The following CCDC57 variants were observed in gnomAD, a reference collection of about 807,000 sequenced individuals.
The protein encoded by CCDC57 is coiled-coil domain containing 57.
Under a neutral mutation model 118.9 loss-of-function variants are expected in CCDC57, and 118 were observed. The ratio of observed to expected loss-of-function variants is 0.99; its 90% CI spans 0.86 to 1.16. CCDC57 has a LOEUF of 1.16. Among genes scored for constraint, CCDC57 ranks in the 50% most tolerant of loss-of-function variants. The pLI is 0.00. For missense variants in CCDC57, 1,300 were observed against 1,320.7 expected, an observed-to-expected ratio of 0.98 and a Z score of 0.24; for synonymous variants, 527 against 532.9, an observed-to-expected ratio of 0.99 and a Z score of 0.15.
intron 11 of CCDC57, among the ~76,000 whole-genome samples, chr17:82,173,414 CT>C: frequency 6.6e-6 from 1 of 152,210 alleles, no homozygotes; most frequent in South Asian, 2.1e-4. Flanking sequence ...CAAACTGAAG[CT>C]CAGAAGGAAA....
intron 3 of CCDC57, among the ~76,000 whole-genome samples, 200 bp from the exon 3 acceptor site, chr17:82,198,622 T>C (rs551876930): frequency 4.0e-5 from 6 of 151,506 alleles, no homozygotes; most frequent in East Asian, 3.9e-4. Context: ...GGAAATTAAA[T>C]AGGGCCCAGA....
chr17:82,196,932 G>A (rs557382709), intron 4 of CCDC57, among the ~76,000 whole-genome samples: 52 of 143,696 alleles, frequency 3.6e-4, no homozygotes, highest in African/African-American at 1.3e-3. Flanking sequence ...CACCTGCAGA[G>A]ACGCAGCCCC....
chr17:82,201,898 C>T (rs772654790), exon 3 of CCDC57: 14 of 1,607,862 alleles, frequency 8.7e-6, no homozygotes, highest in Middle Eastern at 3.3e-4. Context: ...CTCCTCCTTG[C>T]GAAGCAGCAG....
chr17:82,210,564 C>A (rs1001430813), intron 1 of CCDC57, among the ~76,000 whole-genome samples: 2 of 151,180 alleles, frequency 1.3e-5, no homozygotes, highest in Non-Finnish European at 2.9e-5. Flanking sequence ...CTGGTAATCC[C>A]AGCTGCTCAG....
chr17:82,143,875 G>C (rs1157773159), intron 16 of CCDC57, among the ~76,000 whole-genome samples: 3 of 150,924 alleles, frequency 2.0e-5, no homozygotes, highest in East Asian at 1.9e-4. Context: ...AAGGCGGGTG[G>C]ATTGCTTGAG....
chr17:82,128,644 G>T, intron 17 of CCDC57, 47 bp from the exon 17 acceptor site: 1 of 1,370,936 alleles, frequency 7.3e-7, no homozygotes, highest in Non-Finnish European at 1.0e-6. Flanking sequence ...CACATGTACT[G>T]ATGGTGCATG....
chr17:82,180,708 C>A (rs2046099823), intron 9 of CCDC57, among the ~76,000 whole-genome samples: 1 of 152,236 alleles, frequency 6.6e-6, no homozygotes, highest in South Asian at 2.1e-4. Flanking sequence ...ATCTCCTGAC[C>A]TCGTGATCCG....
In CCDC57 at chr17:82,130,218, C is replaced by T. The variant is rs9889637; in HGVS notation, c.2578-1621G>A. 3.2e-4 allele frequency among the ~76,000 whole-genome samples: 48 copies of T among 151,664 alleles called. No homozygotes were observed. The South Asian group carries it at 9.2e-3, about 29-fold the overall frequency. Reference sequence around the variant, plus strand: ...TCTCAAAACATTTTTTTTTGAGACACAGTCTTGCTCTGTTGCCCAGGCTGG... The same window carrying T: ...TCTCAAAACATTTTTTTTTGAGACATAGTCTTGCTCTGTTGCCCAGGCTGG... On this transcript the variant is annotated intron_variant, in intron 17 of 19. Coordinates refer to ENST00000665763, the Ensembl canonical transcript of CCDC57.
chr17:82,127,489 C>G (rs2037645407), intron 19 of CCDC57: 1 of 985,322 alleles, frequency 1.0e-6, no homozygotes, highest in Non-Finnish European at 1.2e-6. Context: ...TGGTTTCTGC[C>G]CTTCAGGGCT....
exon 13 of CCDC57, chr17:82,171,789 C>T (rs760184332): frequency 7.4e-6 from 12 of 1,613,992 alleles, no homozygotes; most frequent in Non-Finnish European, 9.3e-6. Flanking sequence ...CTTCTAGATG[C>T]TTTTCCAGAG....
At chr17:82,104,898 G>C (rs954120663) in intron 19 of CCDC57, 2 of 152,304 alleles carry the variant, frequency 1.3e-5, no homozygotes, top group African/African-American at 4.8e-5. Context: ...TGCAGGGAAG[G>C]TGCGGCCCTC....
rs192761581 is a variant in CCDC57, at chr17:82,183,181, G to C, written c.1211+593C>G. 5.9e-5 allele frequency among the ~76,000 whole-genome samples: 9 copies of C among 152,280 alleles called. 1 individual carries two copies. The highest frequency in any genetic ancestry group is 2.1e-4 in the South Asian group (1 of 4,832). On this transcript the variant is annotated intron_variant, in intron 9 of 19. Transcript: ENST00000665763. The stretch of plus-strand genomic sequence containing the variant: ...ATACACATTCATCAAAATTCATCAA[G>C]TGTAGAGTTAAAATGGATGAGTTTA...
chr17:82,165,392 G>A (rs1165736755), intron 13 of CCDC57, among the ~76,000 whole-genome samples: 2 of 152,034 alleles, frequency 1.3e-5, no homozygotes, highest in Admixed American at 1.3e-4. Context: ...AGTGTCTAGG[G>A]GCCTCGGATC....
At chr17:82,189,324 C>T (rs2047367549) in intron 7 of CCDC57, among the ~76,000 whole-genome samples, 1 of 146,404 alleles carries the variant, frequency 6.8e-6, no homozygotes, top group Non-Finnish European at 1.5e-5. Flanking sequence ...AAAAGATTTA[C>T]GTGTTGATTT....
intron 13 of CCDC57, among the ~76,000 whole-genome samples, chr17:82,163,589 A>T (rs1162258697): frequency 6.6e-6 from 1 of 152,214 alleles, no homozygotes; most frequent in Non-Finnish European, 1.5e-5. Context: ...TCCTTGTAGG[A>T]AAAAGTCTGA....
rs182686837 is a variant in CCDC57 at position 82,177,177 on chromosome 17, G to A, written c.1506+1297C>T. 2.0e-3 allele frequency among the ~76,000 whole-genome samples: 305 copies of A among 152,134 alleles called. 1 individual carries two copies. The highest frequency in any genetic ancestry group is 7.1e-3 in the African/African-American group (294 of 41,502). ...GGCGAATCACCTGGGTCAGGAGTTCGAGATCAGCCTAACATGCAGAAACCC... is the reference window on the plus strand; with the variant it reads ...GGCGAATCACCTGGGTCAGGAGTTCAAGATCAGCCTAACATGCAGAAACCC... On this transcript the variant is annotated intron_variant, in intron 11 of 19. Transcript: ENST00000665763.
chr17:82,117,158 T>C (rs2036024614), intron 19 of CCDC57, among the ~76,000 whole-genome samples: 1 of 151,984 alleles, frequency 6.6e-6, no homozygotes, highest in South Asian at 2.1e-4. Context: ...GAGACCAGCC[T>C]GGGCTAACAT....
At chr17:82,152,653 C>T (rs2042199149) in intron 15 of CCDC57, among the ~76,000 whole-genome samples, 1 of 152,244 alleles carries the variant, frequency 6.6e-6, no homozygotes, top group African/African-American at 2.4e-5. Context: ...GAGCCGACGA[C>T]CTACTTCTCC....
intron 9 of CCDC57, among the ~76,000 whole-genome samples, chr17:82,179,623 C>T (rs1226172615): frequency 6.8e-6 from 1 of 146,964 alleles, no homozygotes; most frequent in South Asian, 2.4e-4. Flanking sequence ...GACCCAGCCA[C>T]GGGGCGGGCG....
Sources: allele counts gnomAD v4.1 joint callset (sites outside exome capture counted in the v4.1 genomes callset), GRCh38; gene constraint gnomAD v4.1.1; transcripts MANE v1.5; gene names NCBI Gene and HGNC (gene_info 2026-07-23, HGNC 2026-07-21).